Variants in LRRC53 observed in about 807,000 individuals in gnomAD.
LRRC53 encodes the protein leucine rich repeat containing 53.
Under a neutral mutation model 13.6 loss-of-function variants are expected in LRRC53, and 25 were observed. The ratio of observed to expected loss-of-function variants is 1.83; its 90% CI spans 1.34 to 2.56. LRRC53 has a LOEUF of 2.56. Among genes scored for constraint, LRRC53 ranks in the 30% most tolerant of loss-of-function variants. LRRC53 has a pLI of 0.00. For missense variants in LRRC53, 527 were observed against 275.8 expected (o/e 1.91, Z -6.45); for synonymous variants, 204 against 109.8 (o/e 1.86, Z -5.37).
intron 1 of LRRC53, among the ~76,000 whole-genome samples, chr1:74,509,990 G>A (rs1029465753): frequency 7.9e-5 from 12 of 152,034 alleles, no homozygotes; most frequent in African/African-American, 2.9e-4. Context: ...CTGAATTCAA[G>A]CGATCTGCTT....
In LRRC53 at chr1:74,471,387, T is replaced by C; in HGVS notation, c.2235A>G (p.Val745=). The change falls in exon 5 of 5, where the codon GTA becomes GTG. Residue 745 remains valine (V), a synonymous_variant. Transcript: ENST00000294635. ...LSSLPKQCKQ[V]LLPPKKLSKT... ...TGGATAATTTCTTAGGAGGCAACAA[T>C]ACCTGCTTGCATTGCTTTGGGAGAC... 1 of 400,728 alleles carries C rather than the reference T, an allele frequency of 2.5e-6. No homozygotes were observed. The allele number at this position is 400,728 out of a possible 1,614,324, so 24.8% of individuals were successfully genotyped here.
At chr1:74,511,037 G>A (rs1040506134) in intron 1 of LRRC53, among the ~76,000 whole-genome samples, 3 of 151,980 alleles carry the variant, frequency 2.0e-5, no homozygotes, top group African/African-American at 7.3e-5. Context: ...ACAGGCGTCT[G>A]CCACCATGCC....
At chr1:74,489,526 G>A (rs140246967) in intron 1 of LRRC53, among the ~76,000 whole-genome samples, 4 of 152,106 alleles carry the variant, frequency 2.6e-5, no homozygotes, top group East Asian at 3.9e-4. Flanking sequence ...AGTAAAAATT[G>A]GAAAGTATAA....
At chr1:74,502,674 A>C (rs772085112) in intron 1 of LRRC53, among the ~76,000 whole-genome samples, 17 of 152,198 alleles carry the variant, frequency 1.1e-4, no homozygotes, top group Non-Finnish European at 2.1e-4. Context: ...GTCTATGGCC[A>C]ATAGCCTTTG....
At chr1:74,525,327 A>G in the LRRC53 span, among the ~76,000 whole-genome samples, 1 of 152,190 alleles carries the variant, frequency 6.6e-6, no homozygotes, top group Non-Finnish European at 1.5e-5. Context: ...TACATGTGTG[A>G]TAAGTATTGT....
chr1:74,528,027 G>C, the LRRC53 span, among the ~76,000 whole-genome samples: 1 of 152,282 alleles, frequency 6.6e-6, no homozygotes, highest in Admixed American at 6.5e-5. Context: ...TCACGTGGGA[G>C]AGTACCCTGA....
intron 3 of LRRC53, among the ~76,000 whole-genome samples, chr1:74,479,743 T>C (rs1668384857): frequency 6.6e-6 from 1 of 152,250 alleles, no homozygotes; most frequent in Non-Finnish European, 1.5e-5. Context: ...GGAAAGAGTC[T>C]ATGTCCCATC....
At chr1:74,473,338 A>T (rs1219181291) in intron 4 of LRRC53, among the ~76,000 whole-genome samples, 1 of 152,120 alleles carries the variant, frequency 6.6e-6, no homozygotes, top group African/African-American at 2.4e-5. Context: ...TCTATCTGAC[A>T]TTAAACGACC....
chr1:74,514,295 G>A (rs933960239), upstream of LRRC53, among the ~76,000 whole-genome samples: 1 of 152,188 alleles, frequency 6.6e-6, no homozygotes, highest in Non-Finnish European at 1.5e-5. Context: ...CTATGTATTT[G>A]TCAGAGGCTT....
At chr1:74,516,866 C>T (rs1054980240), upstream of LRRC53, among the ~76,000 whole-genome samples, 1 of 152,052 alleles carries the variant, frequency 6.6e-6, no homozygotes, top group Non-Finnish European at 1.5e-5. Flanking sequence ...GATGAAATGC[C>T]CTTATTGCCA....
chr1:74,472,538 T>C (rs1447985517), intron 4 of LRRC53, among the ~76,000 whole-genome samples: 1 of 152,140 alleles, frequency 6.6e-6, no homozygotes, highest in African/African-American at 2.4e-5. Context: ...TAAATGGCTA[T>C]AGTAATTTTT....
chr1:74,497,405 A>G (rs1557607377), intron 1 of LRRC53, among the ~76,000 whole-genome samples: 1 of 151,550 alleles, frequency 6.6e-6, no homozygotes, highest in East Asian at 1.9e-4. Flanking sequence ...CAATCTTTCT[A>G]TCCTCTCTCC....
intron 1 of LRRC53, among the ~76,000 whole-genome samples, chr1:74,502,732 T>A (rs1669698854): frequency 1.3e-5 from 2 of 152,230 alleles, no homozygotes; most frequent in African/African-American, 4.8e-5. Context: ...AGTAGCCACT[T>A]TGCCTCAGCT....
At chr1:74,478,973 G>GGTA (rs1668343507) in intron 3 of LRRC53, among the ~76,000 whole-genome samples, 1 of 152,128 alleles carries the variant, frequency 6.6e-6, no homozygotes, top group Non-Finnish European at 1.5e-5. Context: ...TACTGCTGAT[G>GGTA]GTAGTTCCAT....
At chr1:74,521,619 G>A in the LRRC53 span, among the ~76,000 whole-genome samples, 1 of 152,068 alleles carries the variant, frequency 6.6e-6, no homozygotes, top group Non-Finnish European at 1.5e-5. Flanking sequence ...CAAATGATTG[G>A]TAAAGACGCA....
intron 1 of LRRC53, among the ~76,000 whole-genome samples, chr1:74,490,465 A>G (rs960643486): frequency 2.0e-5 from 3 of 152,188 alleles, no homozygotes; most frequent in Non-Finnish European, 2.9e-5. Flanking sequence ...GAAAAAAGGA[A>G]TCCACCATGA....
At chr1:74,476,824 T>C (rs1365690511) in intron 3 of LRRC53, among the ~76,000 whole-genome samples, 1 of 152,164 alleles carries the variant, frequency 6.6e-6, no homozygotes, top group Non-Finnish European at 1.5e-5. Flanking sequence ...ACAATATTAA[T>C]GAAAACATAT....
At chr1:74,528,892 C>A in the LRRC53 span, among the ~76,000 whole-genome samples, 1 of 152,028 alleles carries the variant, frequency 6.6e-6, no homozygotes, top group Non-Finnish European at 1.5e-5. Context: ...AAGGCTGACA[C>A]AAGGAAGGTA....
At chr1:74,490,639 C>G (rs138662865) in intron 1 of LRRC53, among the ~76,000 whole-genome samples, 3 of 152,132 alleles carry the variant, frequency 2.0e-5, no homozygotes, top group African/African-American at 7.2e-5. Flanking sequence ...TGAGAGTCAG[C>G]CTAAAGAGGC....
Sources: allele counts gnomAD v4.1 joint callset (sites outside exome capture counted in the v4.1 genomes callset), GRCh38; gene constraint gnomAD v4.1.1; transcripts MANE v1.5; gene names NCBI Gene and HGNC (gene_info 2026-07-23, HGNC 2026-07-21).